The following ABCC4 variants were observed in gnomAD, a reference collection of about 807,000 sequenced individuals.
ABCC4 encodes the protein ATP binding cassette subfamily C member 4 (PEL blood group), also known as ATP-binding cassette sub-family C member 4.
Under a neutral mutation model 168.5 loss-of-function variants are expected in ABCC4, and 102 were observed. The ratio of observed to expected loss-of-function variants is 0.61; its 90% CI spans 0.52 to 0.71. ABCC4 has a LOEUF of 0.71. Among genes scored for constraint, ABCC4 ranks in the 30% least tolerant of loss-of-function variants. The probability of loss-of-function intolerance (pLI) is 0.00; values close to 1 mark genes in which losing one functional copy is unlikely to be tolerated. For synonymous variants in ABCC4, 617 were observed against 590.7 expected (o/e 1.04, Z -0.65); for missense variants, 1,402 against 1,605.8 (o/e 0.87, Z 2.17).
At chr13:95,163,035 A>G (rs1385495221) in intron 18 of ABCC4, 87 bp downstream of exon 18, 2 of 848,840 alleles carry the variant, frequency 2.4e-6, no homozygotes, top group East Asian at 2.4e-5. Flanking sequence ...ACATTACTGA[A>G]TGACTCCTGG....
intron 19 of ABCC4, among the ~76,000 whole-genome samples, chr13:95,132,135 C>A (rs2035988824): frequency 6.6e-6 from 1 of 152,144 alleles, no homozygotes; most frequent in Non-Finnish European, 1.5e-5. Context: ...GGTTCCAGGA[C>A]CTCCCACCAA....
At chr13:95,273,953 T>G (rs957385892) in intron 1 of ABCC4, among the ~76,000 whole-genome samples, 1 of 152,012 alleles carries the variant, frequency 6.6e-6, no homozygotes, top group Non-Finnish European at 1.5e-5. Flanking sequence ...AGAGTTTGCC[T>G]GCACAAGCTC....
At chr13:95,203,507 A>G (rs1195457338) in intron 8 of ABCC4, among the ~76,000 whole-genome samples, 1 of 151,942 alleles carries the variant, frequency 6.6e-6, no homozygotes, top group African/African-American at 2.4e-5. Flanking sequence ...ACAGGCATGT[A>G]CCACCATGCC....
At chr13:95,097,365 A>C (rs1476963410) in intron 20 of ABCC4, among the ~76,000 whole-genome samples, 1 of 152,164 alleles carries the variant, frequency 6.6e-6, no homozygotes, top group African/African-American at 2.4e-5. Flanking sequence ...AAAATGACAG[A>C]GAATTTCAGC....
chr13:95,089,591 CAACAACAAAAAAG>C (rs1487454571), intron 20 of ABCC4, among the ~76,000 whole-genome samples: 1 of 151,548 alleles, frequency 6.6e-6, no homozygotes, highest in Non-Finnish European at 1.5e-5. Context: ...AAAAAGCAAA[CAACAACAAAAAAG>C]AACACTAAAT....
chr13:95,210,609 G>A, intron 5 of ABCC4, 83 bp downstream of exon 5: 1 of 240,528 alleles, frequency 4.2e-6, no homozygotes, highest in East Asian at 5.8e-5. Flanking sequence ...TGTGAACAGA[G>A]TGAGCCCCTG....
intron 14 of ABCC4, among the ~76,000 whole-genome samples, chr13:95,169,144 A>G (rs2139568685): frequency 6.6e-6 from 1 of 152,324 alleles, no homozygotes; most frequent in East Asian, 1.9e-4. Context: ...TGAAGCCTTC[A>G]GAGAGCGCGG....
At chr13:95,146,146 A>T (rs1443120414) in intron 19 of ABCC4, among the ~76,000 whole-genome samples, 2 of 151,182 alleles carry the variant, frequency 1.3e-5, no homozygotes, top group Non-Finnish European at 3.0e-5. Flanking sequence ...CAGAGGCGGA[A>T]GTTGCAGTGA....
At chr13:95,063,526 C>T (rs1205981118) in intron 25 of ABCC4, among the ~76,000 whole-genome samples, 1 of 152,080 alleles carries the variant, frequency 6.6e-6, no homozygotes, top group Non-Finnish European at 1.5e-5. Context: ...CAGTAGTAAC[C>T]AGTAGCCAAA....
intron 1 of ABCC4, among the ~76,000 whole-genome samples, chr13:95,260,696 G>A (rs150833508): frequency 3.3e-5 from 5 of 152,248 alleles, no homozygotes; most frequent in East Asian, 3.9e-4. Context: ...GGTCTGGGGT[G>A]ATAATGGGGT....
At chr13:95,261,981 G>A (rs2138853523) in intron 1 of ABCC4, among the ~76,000 whole-genome samples, 1 of 152,192 alleles carries the variant, frequency 6.6e-6, no homozygotes, top group East Asian at 1.9e-4. Flanking sequence ...GCACACACCT[G>A]TAGTCCTAGC....
At position 95,206,505 on chromosome 13, in the gene ABCC4, A is replaced by G. The variant is rs370964550; in HGVS notation, c.1161+27T>C. On this transcript the variant is annotated intron_variant, in intron 8 of 30. Transcript: ENST00000645237. ...ATCATTCTACTTCAAATGCACCTAC[A>G]ACTTTAAAATGGCATCTGACACCAA... The G allele has an allele frequency of 8.7e-6, 14 of 1,606,778 alleles. No individual in the cohort carries two copies. In the African/African-American group the frequency reaches 1.3e-4, roughly 15 times the overall value.
chr13:95,237,293 C>T (rs1295966897), intron 3 of ABCC4, among the ~76,000 whole-genome samples: 1 of 152,168 alleles, frequency 6.6e-6, no homozygotes, highest in Non-Finnish European at 1.5e-5. Flanking sequence ...TTCCACGGAC[C>T]TCTCCATCTT....
chr13:95,195,708 G>A (rs562096557), intron 8 of ABCC4, among the ~76,000 whole-genome samples: 3 of 151,792 alleles, frequency 2.0e-5, no homozygotes, highest in South Asian at 2.1e-4. Context: ...ATCTCGGTTC[G>A]CTGCAGCCTC....
chr13:95,228,549 C>T (rs1201203332), intron 4 of ABCC4, among the ~76,000 whole-genome samples: 3 of 151,738 alleles, frequency 2.0e-5, no homozygotes, highest in Non-Finnish European at 4.4e-5. Flanking sequence ...TCAATGTAGG[C>T]GCATTACCTG....
In ABCC4 at chr13:95,177,791, G is replaced by A; in HGVS notation, c.1643C>T (p.Ala548Val). Residue 548 changes from alanine to valine, a missense_variant and splice_region_variant, in exon 13 of 31, where the codon GCA (alanine) becomes GTA (valine). Ala to Val is a moderately conservative substitution (Grantham distance 64). This residue lies in a region of ABCC4 where 1,007 missense variants were observed against 1,127.3 expected (regional missense o/e 0.89). Coordinates refer to ENST00000645237, the MANE Select transcript of ABCC4 (RefSeq NM_005845.5). ...GQKARVNLARAVYQDADIYLL... is the reference protein window; with the variant it reads ...GQKARVNLARVVYQDADIYLL... ...ATAGATGTCAGCATCTTGATACACT[G>A]CTCTAGAAAATACAAAGAGGTATCA... The A allele has an allele frequency of 6.2e-7, 1 of 1,607,590 alleles. No individual in the cohort carries two copies. Among genetic ancestry groups the A allele is most frequent in the Non-Finnish European group, 8.5e-7 (1 of 1,174,832 alleles).
chr13:95,160,634 A>G (rs2037067638), intron 19 of ABCC4, among the ~76,000 whole-genome samples: 1 of 152,228 alleles, frequency 6.6e-6, no homozygotes, highest in Admixed American at 6.5e-5. Flanking sequence ...TTTACATTTT[A>G]TCAATCTTGG....
chr13:95,123,302 A>G (rs984794880), intron 19 of ABCC4, among the ~76,000 whole-genome samples: 10 of 152,196 alleles, frequency 6.6e-5, no homozygotes, highest in Admixed American at 6.5e-4. Flanking sequence ...GCTAATTGGA[A>G]TTAAAATTTT....
chr13:95,276,364 A>G (rs2138899050), intron 1 of ABCC4, among the ~76,000 whole-genome samples: 1 of 148,494 alleles, frequency 6.7e-6, no homozygotes, highest in African/African-American at 2.5e-5. Flanking sequence ...GCAGTGAGCC[A>G]TGATCTCACC....
Sources: allele counts gnomAD v4.1 joint callset (sites outside exome capture counted in the v4.1 genomes callset), GRCh38; gene constraint gnomAD v4.1.1; regional missense constraint gnomAD v4.1.1; transcripts MANE v1.5; gene names NCBI Gene and HGNC (gene_info 2026-07-23, HGNC 2026-07-21).